The following HDAC7 variants were observed in gnomAD, a reference collection of about 807,000 sequenced individuals.
HDAC7 encodes histone deacetylase 7A.
HDAC7 carries 26 observed loss-of-function variants against 115.5 expected under a neutral mutation model. The observed-to-expected ratio is 0.23, with a 90% CI of 0.16 to 0.31. HDAC7 has a LOEUF of 0.31. Ranked by LOEUF, HDAC7 falls within the 10% of genes least tolerant of loss-of-function variation. The pLI is 1.00. For synonymous variants in HDAC7, 564 were observed against 550.9 expected (o/e 1.02, Z -0.33); for missense variants, 1,068 against 1,329.0 (o/e 0.80, Z 3.05).
chr12:47,798,306 C>T lies in HDAC7; in HGVS notation c.350-87G>A. 1 of 1,109,222 alleles carries T rather than the reference C, an allele frequency of 9.0e-7. No individual in the cohort carries two copies. Among genetic ancestry groups the T allele is most frequent in the Non-Finnish European group, 1.4e-6 (1 of 730,358 alleles). 68.7% of individuals were successfully genotyped at this position (1,109,222 alleles called of 1,614,324 possible). On this transcript the variant is annotated intron_variant, in intron 4 of 25. Transcript: ENST00000080059. This position sits in a 1 kb window ranked among gnomAD's most constrained non-coding sequence, Gnocchi z 4.3. ...CTGGCCACTGCCCTGTCCCCATCCTCAGTAGGAGGCGTCCCAGGGACTCCC... is the reference window on the plus strand; with the variant it reads ...CTGGCCACTGCCCTGTCCCCATCCTTAGTAGGAGGCGTCCCAGGGACTCCC...
At chr12:47,786,872 C>T (rs1004690590) in intron 21 of HDAC7, among the ~76,000 whole-genome samples, 169 bp from the exon 22 acceptor site, 1 of 152,202 alleles carries the variant, frequency 6.6e-6, no homozygotes, top group Non-Finnish European at 1.5e-5. Flanking sequence ...CACCCATGTC[C>T]CTGGCACACA....
At chr12:47,805,393 A>C (rs1944357813) in intron 1 of HDAC7, among the ~76,000 whole-genome samples, 2 of 152,044 alleles carry the variant, frequency 1.3e-5, no homozygotes, top group African/African-American at 4.8e-5. Context: ...ATTAGCGGAA[A>C]AGGAAGCAGC....
intron 7 of HDAC7, 77 bp from the exon 8 acceptor site, chr12:47,796,375 G>A: frequency 1.0e-6 from 1 of 962,992 alleles, no homozygotes; most frequent in Non-Finnish European, 1.6e-6. Flanking sequence ...GCCTGGTGCA[G>A]GAGACCCGGG....
At chr12:47,791,358 G>A (rs895959499) in intron 15 of HDAC7, 50 bp from the exon 16 acceptor site, 1 of 1,509,912 alleles carries the variant, frequency 6.6e-7, no homozygotes, top group South Asian at 1.3e-5. Context: ...TCAGCCTTTG[G>A]CCCAACAGGG....
In HDAC7 at chr12:47,798,267, C is replaced by T. The variant is rs1383971421; in HGVS notation, c.350-48G>A. On this transcript the variant is annotated intron_variant, in intron 4 of 25. Transcript: ENST00000080059. This position sits in a 1 kb window ranked among gnomAD's most constrained non-coding sequence, Gnocchi z 4.3. Reference sequence around the variant, plus strand: ...GGGCTGGAGGTGGGTGGACAGGCGGCCTCGTGGCACTACCTGGCCACTGCC... The same window carrying T: ...GGGCTGGAGGTGGGTGGACAGGCGGTCTCGTGGCACTACCTGGCCACTGCC... 7.0e-7 allele frequency: 1 copy of T among 1,420,666 alleles called. No homozygotes were observed. The highest frequency in any genetic ancestry group is 9.9e-7 in the Non-Finnish European group (1 of 1,006,688). 88.0% of individuals were successfully genotyped at this position (1,420,666 alleles called of 1,614,324 possible).
chr12:47,798,290 G>GC lies in HDAC7; in HGVS notation c.350-72dup. The GC allele has an allele frequency of 1.7e-6, 2 of 1,211,118 alleles. No individual in the cohort carries two copies. The highest frequency in any genetic ancestry group is 2.4e-6 in the Non-Finnish European group (2 of 818,666). The allele number at this position is 1,211,118 out of a possible 1,614,324, so 75.0% of individuals were successfully genotyped here. A position where few individuals can be genotyped will look rare whatever the true frequency, so the allele number is the denominator to read the frequency against. The stretch of plus-strand genomic sequence containing the variant: ...GGCCTCGTGGCACTACCTGGCCACT[G>GC]CCCTGTCCCCATCCTCAGTAGGAGG... On this transcript the variant is annotated intron_variant, in intron 4 of 25. Transcript: ENST00000080059. This position sits in a 1 kb window ranked among gnomAD's most constrained non-coding sequence, Gnocchi z 4.3.
chr12:47,792,045 C>T (rs895009462), intron 13 of HDAC7, 41 bp from the exon 14 acceptor site: 6 of 1,563,438 alleles, frequency 3.8e-6, no homozygotes, highest in Non-Finnish European at 5.2e-6. Flanking sequence ...AGGGAGTCCT[C>T]ACGCCCCATG....
intron 24 of HDAC7, 161 bp downstream of exon 24, chr12:47,785,226 T>A: frequency 3.2e-6 from 2 of 628,038 alleles, no homozygotes; most frequent in Admixed American, 2.9e-5. Flanking sequence ...CACTGGGGGG[T>A]GCTCACCATT....
At position 47,793,339 on chromosome 12, in the gene HDAC7, C is replaced by A. The variant is rs1372062771; in HGVS notation, c.1678+30G>T. 15 of 1,327,608 alleles carry A rather than the reference C, an allele frequency of 1.1e-5. No homozygotes were observed. In the Admixed American group the frequency reaches 2.7e-4, roughly 24 times the overall value. The allele number at this position is 1,327,608 out of a possible 1,614,324, so 82.2% of individuals were successfully genotyped here. On this transcript the variant is annotated intron_variant, in intron 13 of 25. Transcript: ENST00000080059. The surrounding 1 kb of genome is among the most constrained non-coding windows in gnomAD (Gnocchi z 4.5). ...TGGACTCGTGCAGCCGAGCCCCTCC[C>A]TCCACCCGCCACCCTCCTCCCGGTC... is the stretch of plus-strand genomic sequence containing the variant.
intron 1 of HDAC7, among the ~76,000 whole-genome samples, chr12:47,818,425 A>G (rs1289013986): frequency 6.6e-6 from 1 of 152,206 alleles, no homozygotes; most frequent in African/African-American, 2.4e-5. Flanking sequence ...CTCAGAAATG[A>G]CTGCAGAGAA....
At chr12:47,791,727 C>A (rs1320027552) in intron 14 of HDAC7, 21 bp from the exon 15 acceptor site, 7 of 1,612,426 alleles carry the variant, frequency 4.3e-6, no homozygotes, top group Non-Finnish European at 5.1e-6. Context: ...GACCACAGAG[C>A]TCTGAGCTCA....
Position 47,783,516 on chromosome 12 carries a change from G to A in HDAC7, c.*325C>T, listed in dbSNP as rs61917649. On this transcript the variant is annotated 3_prime_UTR_variant, in exon 26 of 26. Coordinates refer to ENST00000080059, the MANE Select transcript of HDAC7 (RefSeq NM_015401.5). ...AATAGTGGTTAAGGGTGAGCCCGAC[G>A]GAGCCGGAGCCAGTCCTCCTCTGTG... is the stretch of plus-strand genomic sequence containing the variant. 16,998 of 372,858 alleles carry A rather than the reference G, an allele frequency of 0.046. 524 individuals carry two copies. The highest frequency in any genetic ancestry group is 0.065 in the Non-Finnish European group (12,695 of 196,652). 23.1% of individuals were successfully genotyped at this position (372,858 alleles called of 1,614,324 possible).
At chr12:47,789,482 GC>G (rs1259422904) in intron 18 of HDAC7, 40 bp downstream of exon 18, 1 of 1,601,754 alleles carries the variant, frequency 6.2e-7, no homozygotes, top group East Asian at 2.2e-5. Context: ...CTGGGGGCTT[GC>G]CCCCCACCTC....
chr12:47,811,839 G>A (rs1296047511), intron 1 of HDAC7, among the ~76,000 whole-genome samples: 1 of 152,120 alleles, frequency 6.6e-6, no homozygotes, highest in Non-Finnish European at 1.5e-5. Flanking sequence ...CCTGAGTCTC[G>A]CCAAGGGCCT....
chr12:47,787,649 G>C (rs1943244176), intron 21 of HDAC7, 63 bp downstream of exon 21: 1 of 1,177,974 alleles, frequency 8.5e-7, no homozygotes, highest in African/African-American at 1.5e-5. Context: ...CTCCCCCCTG[G>C]TGCTCTTGGG....
upstream of HDAC7, among the ~76,000 whole-genome samples, chr12:47,820,808 A>G (rs1340692114): frequency 6.6e-6 from 1 of 151,190 alleles, no homozygotes; most frequent in East Asian, 2.0e-4. The surrounding 1 kb of genome is among the most constrained non-coding windows in gnomAD (Gnocchi z 4.3). Context: ...GATCACAGAA[A>G]TGTTCCAGTC....
Position 47,783,443 on chromosome 12 carries a change from G to A in HDAC7, c.*398C>T. The stretch of plus-strand genomic sequence containing the variant: ...TGTCTGAGGCCAAGTTCACATTTCT[G>A]TGTGGAGCCTGAGGCTGTGTGCAAA... On this transcript the variant is annotated 3_prime_UTR_variant, in exon 26 of 26. Transcript: ENST00000080059. The A allele has an allele frequency of 4.3e-6, 1 of 233,426 alleles. No individual in the cohort carries two copies. Among genetic ancestry groups the A allele is most frequent in the Non-Finnish European group, 8.7e-6 (1 of 115,034 alleles). The allele number at this position is 233,426 out of a possible 1,614,324, so 14.5% of individuals were successfully genotyped here.
chr12:47,807,053 C>T (rs1033942778), intron 1 of HDAC7, among the ~76,000 whole-genome samples: 14 of 152,096 alleles, frequency 9.2e-5, no homozygotes, highest in African/African-American at 3.4e-4. Flanking sequence ...GATTCTCCTC[C>T]CTCAGCCTCC....
intron 24 of HDAC7, chr12:47,784,880 C>CT (rs2136897207): frequency 9.9e-7 from 1 of 1,009,228 alleles, no homozygotes; most frequent in Middle Eastern, 2.1e-4. Flanking sequence ...ATATGGGAAT[C>CT]TATTTTACTC....
Sources: gnomAD v4.1 joint callset for allele counts (sites outside exome capture counted in the v4.1 genomes callset) on GRCh38, gnomAD v4.1.1 for gene constraint, Gnocchi (gnomAD v3.1) non-coding constraint, MANE v1.5 for transcripts, NCBI Gene and HGNC (gene_info 2026-07-23, HGNC 2026-07-21) for gene names.